Variants in SYNE1 observed in about 807,000 individuals in gnomAD.
SYNE1 encodes the protein spectrin repeat containing nuclear envelope protein 1, also known as nesprin-1.
Under a neutral mutation model 1,111.0 loss-of-function variants are expected in SYNE1, and 616 were observed. That is an observed-to-expected ratio of 0.55 (90% confidence interval 0.52 to 0.59). The LOEUF (loss-of-function observed/expected upper bound fraction) is 0.59. Among genes scored for constraint, SYNE1 ranks in the 20% least tolerant of loss-of-function variants. SYNE1 has a pLI of 0.00. For missense variants in SYNE1, 10,006 were observed against 10,417.0 expected (o/e 0.96, Z 1.72); for synonymous variants, 3,855 against 3,825.8 (o/e 1.01, Z -0.28).
intron 77 of SYNE1, among the ~76,000 whole-genome samples, chr6:152,333,297 A>C (rs1283358222): frequency 6.6e-6 from 1 of 152,204 alleles, no homozygotes; most frequent in Non-Finnish European, 1.5e-5. Context: ...CTCTTGTAAG[A>C]AAAAAACCTG....
intron 12 of SYNE1, among the ~76,000 whole-genome samples, chr6:152,485,898 A>C (rs1031762712): frequency 6.6e-6 from 1 of 152,202 alleles, no homozygotes; most frequent in Non-Finnish European, 1.5e-5. Flanking sequence ...ATGGAATTTT[A>C]AAAATACCAA....
intron 3 of SYNE1, among the ~76,000 whole-genome samples, chr6:152,554,911 A>G: frequency 6.6e-6 from 1 of 152,150 alleles, no homozygotes; most frequent in Non-Finnish European, 1.5e-5. Context: ...TTTAATTTAA[A>G]TGTTTGTAGG....
Position 152,390,246 on chromosome 6 carries a change from G to A in SYNE1, c.8177+34C>T, listed in dbSNP as rs771424191. ...CATCATTTTACTAAGTCACTGCATTGGACTTAAACAAACTCTAAAAATAGG... is the reference window on the plus strand; with the variant it reads ...CATCATTTTACTAAGTCACTGCATTAGACTTAAACAAACTCTAAAAATAGG... On this transcript the variant is annotated intron_variant, in intron 53 of 145. Coordinates refer to ENST00000367255, the MANE Select transcript of SYNE1 (RefSeq NM_182961.4). The A allele has an allele frequency of 1.8e-5, 29 of 1,609,914 alleles. No individual in the cohort carries two copies. The South Asian group carries it at 3.0e-4, about 16-fold the overall frequency.
At chr6:152,465,482 A>G in intron 17 of SYNE1, 22 bp from the exon 18 acceptor site, 1 of 1,602,776 alleles carries the variant, frequency 6.2e-7, no homozygotes, top group Non-Finnish European at 8.5e-7. Context: ...AAAACCAATT[A>G]TAACCCTTAT....
At chr6:152,606,671 G>A (rs1168061933) in intron 3 of SYNE1, among the ~76,000 whole-genome samples, 1 of 152,078 alleles carries the variant, frequency 6.6e-6, no homozygotes, top group Admixed American at 6.5e-5. Context: ...TTTTTGAGAC[G>A]GAGCCTGGCT....
At chr6:152,217,677 G>A (rs913887051) in intron 121 of SYNE1, among the ~76,000 whole-genome samples, 104 of 151,962 alleles carry the variant, frequency 6.8e-4, no homozygotes, top group African/African-American at 2.4e-3. Flanking sequence ...AGAGACGAGA[G>A]GTTCAAAAGT....
chr6:152,261,493 C>A (rs2091984506), intron 101 of SYNE1, among the ~76,000 whole-genome samples: 2 of 152,218 alleles, frequency 1.3e-5, no homozygotes, highest in Non-Finnish European at 2.9e-5. Context: ...AGTATCCCTC[C>A]CAGGAACCAG....
chr6:152,172,895 A>T (rs2065552197), intron 130 of SYNE1, among the ~76,000 whole-genome samples: 1 of 152,240 alleles, frequency 6.6e-6, no homozygotes, highest in Non-Finnish European at 1.5e-5. Flanking sequence ...GGGGTTATTG[A>T]CCACTTAAAA....
chr6:152,364,453 C>CTTTTTTTT (rs5880969), intron 63 of SYNE1, among the ~76,000 whole-genome samples: 2 of 148,012 alleles, frequency 1.4e-5, no homozygotes, highest in Non-Finnish European at 3.0e-5. Flanking sequence ...CATTATGAAT[C>CTTTTTTTT]TTTTTTTTTT....
Position 152,156,791 on chromosome 6 carries a change from G to A in SYNE1, c.23791-694C>T, listed in dbSNP as rs1198617566. ...AGGGCCTGTATATATGCATGTGCTAGACCTGGCACTCAAGAACTGGGCTTT... is the reference window on the plus strand; with the variant it reads ...AGGGCCTGTATATATGCATGTGCTAAACCTGGCACTCAAGAACTGGGCTTT... On this transcript the variant is annotated intron_variant, in intron 131 of 145. Transcript: ENST00000367255. 2.6e-5 allele frequency among the ~76,000 whole-genome samples: 4 copies of A among 152,100 alleles called. No homozygotes were observed. In the East Asian group the frequency reaches 7.7e-4, roughly 29 times the overall value.
In SYNE1 at chr6:152,416,494, T is replaced by A. The variant is rs1195163643; in HGVS notation, c.5943A>T (p.Lys1981Asn). ...SEADALAVLK[K>N]AFQDQKEELL... ...GCTCCTCTTTCTGGTCTTGGAATGC[T>A]TTTTTCAACACTGCCAGAGCATCTG... Residue 1981 changes from lysine to asparagine, a missense_variant, in exon 41 of 146, where the codon AAA (lysine) becomes AAT (asparagine). Around this residue, in one of 7 missense-constraint regions of SYNE1, gnomAD observed 4,955 missense variants for 5,017.2 expected, o/e 0.99. Transcript: ENST00000367255. The A allele has an allele frequency of 5.0e-6, 8 of 1,614,004 alleles. No homozygotes were observed. The highest frequency in any genetic ancestry group is 6.8e-6 in the Non-Finnish European group (8 of 1,180,026).
At chr6:152,210,199 C>G (rs1177245769) in intron 124 of SYNE1, among the ~76,000 whole-genome samples, 1 of 152,034 alleles carries the variant, frequency 6.6e-6, no homozygotes, top group Non-Finnish European at 1.5e-5. Context: ...TTCCCTTCAA[C>G]TTTCAAAATT....
intron 117 of SYNE1, among the ~76,000 whole-genome samples, chr6:152,223,082 G>A (rs2080553889): frequency 6.6e-6 from 1 of 152,130 alleles, no homozygotes; most frequent in Admixed American, 6.5e-5. Flanking sequence ...ACCCTCAAAT[G>A]AAAACAGTCA....
At chr6:152,628,046 A>AAAAAAAG (rs982830131) in intron 3 of SYNE1, among the ~76,000 whole-genome samples, 1 of 144,768 alleles carries the variant, frequency 6.9e-6, no homozygotes, top group African/African-American at 2.7e-5. Flanking sequence ...CAAAATTACA[A>AAAAAAAG]AAAAAAAAAA....
chr6:152,377,640 A>AAAT (rs1563520159), intron 56 of SYNE1, among the ~76,000 whole-genome samples: 4 of 33,862 alleles, frequency 1.2e-4, no homozygotes, highest in South Asian at 1.3e-3. Flanking sequence ...AAAAAAAAAA[A>AAAT]ATATATATAT....
At chr6:152,422,384 C>A (rs760066563) in intron 39 of SYNE1, among the ~76,000 whole-genome samples, 24 of 152,200 alleles carry the variant, frequency 1.6e-4, no homozygotes, top group Admixed American at 3.3e-4. Context: ...CTGATCTATT[C>A]TCAGGACTAA....
In SYNE1 at chr6:152,520,399, G is replaced by A. The variant is rs2099132972; in HGVS notation, c.309+60C>T. 5 of 1,556,304 alleles carry A rather than the reference G, an allele frequency of 3.2e-6. No individual in the cohort carries two copies. In the Admixed American group the frequency reaches 6.7e-5, roughly 21 times the overall value. Reference sequence around the variant, plus strand: ...CTGACTACAGATAGGAGCCAATACTGAAAACATAAGTATGCCCACACCTTC... The same window carrying A: ...CTGACTACAGATAGGAGCCAATACTAAAAACATAAGTATGCCCACACCTTC... On this transcript the variant is annotated intron_variant, in intron 6 of 145. Transcript: ENST00000367255.
chr6:152,502,650 C>T lies in SYNE1; in HGVS notation c.871G>A (p.Asp291Asn). The stretch of plus-strand genomic sequence containing the variant: ...ATACCTACATCATCCTCTTGCCCAT[C>T]AGTGCTTGCATTGTGGATGTCAGGA... ...HYPDIHNASTDGQEDDEILPG... is the reference protein window; with the variant it reads ...HYPDIHNASTNGQEDDEILPG... Residue 291 changes from aspartate to asparagine, a missense_variant, in exon 10 of 146, where the codon GAT (aspartate) becomes AAT (asparagine). This residue lies in a region of SYNE1 where 1,971 missense variants were observed against 2,084.1 expected (regional missense o/e 0.95). Coordinates refer to ENST00000367255, the MANE Select transcript of SYNE1 (RefSeq NM_182961.4). 3.1e-6 allele frequency: 5 copies of T among 1,613,400 alleles called. No homozygotes were observed. Among genetic ancestry groups the T allele is most frequent in the Non-Finnish European group, 4.2e-6 (5 of 1,179,408 alleles).
intron 2 of SYNE1, among the ~76,000 whole-genome samples, chr6:152,629,010 T>C (rs2099692149): frequency 6.6e-6 from 1 of 152,218 alleles, no homozygotes; most frequent in African/African-American, 2.4e-5. Context: ...TCATACCAAT[T>C]TGATGAATTA....
Sources: gnomAD v4.1 joint callset for allele counts (sites outside exome capture counted in the v4.1 genomes callset) on GRCh38, gnomAD v4.1.1 for gene constraint, gnomAD v4.1.1 regional missense constraint, MANE v1.5 for transcripts, NCBI Gene and HGNC (gene_info 2026-07-23, HGNC 2026-07-21) for gene names.